PHEX: variants seen among roughly 807,000 people sequenced by gnomAD.
PHEX encodes phosphate-regulating neutral endopeptidase PHEX.
A neutral mutation model predicts 68.0 loss-of-function variants in PHEX; 16 were observed. The observed-to-expected ratio is 0.24, with a 90% CI of 0.16 to 0.36. PHEX has a LOEUF of 0.36. Ranked by LOEUF, PHEX falls within the 10% of genes least tolerant of loss-of-function variation. PHEX has a pLI of 1.00. For missense variants in PHEX, 480 were observed against 575.5 expected (o/e 0.83, Z 1.70); for synonymous variants, 208 against 205.1 (o/e 1.01, Z -0.12).
At chrX:22,126,621 T>C (rs1291277479) in intron 11 of PHEX, among the ~76,000 whole-genome samples, 3 of 111,190 alleles carry the variant, frequency 2.7e-5, no homozygotes, top group Non-Finnish European at 5.7e-5. Context: ...TTTGCTAAGA[T>C]AGGAGCATCT....
rs1234810037 is a variant in PHEX, at chrX:22,209,948, A to AT, written c.1646-2956_1646-2955insT. 9.1e-3 allele frequency among the ~76,000 whole-genome samples: 981 copies of AT among 107,617 alleles called. 10 individuals carry two copies. Among genetic ancestry groups the AT allele is most frequent in the African/African-American group, 0.032 (930 of 28,667 alleles). 93.5% of individuals were successfully genotyped at this position (107,617 alleles called of 115,157 possible). A position where few individuals can be genotyped will look rare whatever the true frequency, so the allele number is the denominator to read the frequency against. Reference sequence around the variant, plus strand: ...AGGTGGTGTTGAAATGGTAAAAAAAAAAAAAAATAAATAAATAAAAATAAA... The same window carrying AT: ...AGGTGGTGTTGAAATGGTAAAAAAAATAAAAAAATAAATAAATAAAAATAAA... On this transcript the variant is annotated intron_variant, in intron 15 of 21. Transcript: ENST00000379374.
At chrX:22,061,175 C>T (rs372000959) in intron 3 of PHEX, among the ~76,000 whole-genome samples, 8 of 112,029 alleles carry the variant, frequency 7.1e-5, no homozygotes, top group East Asian at 2.8e-4. Flanking sequence ...AGATGTCCTG[C>T]GCCTTAGAGA....
intron 2 of PHEX, among the ~76,000 whole-genome samples, chrX:22,046,112 C>T (rs1329409834): frequency 1.8e-5 from 2 of 111,365 alleles, no homozygotes; most frequent in Non-Finnish European, 1.9e-5. Context: ...GCTAGATGGG[C>T]GCCTGGACTG....
chrX:22,204,928 T>A lies in PHEX; in HGVS notation c.1646-7976T>A, dbSNP rs775759467. 2.1e-4 allele frequency among the ~76,000 whole-genome samples: 23 copies of A among 110,312 alleles called. No individual in the cohort carries two copies. In the East Asian group the frequency reaches 3.1e-3, roughly 15 times the overall value. ...ACACTTAAGGCTTTTGAAAAAAAAA[T>A]AACTGTCACAACTTGTACTGGAGCC... On this transcript the variant is annotated intron_variant, in intron 15 of 21. Coordinates refer to ENST00000379374, the MANE Select transcript of PHEX (RefSeq NM_000444.6).
chrX:22,187,742 G>C (rs1323670188), intron 14 of PHEX, among the ~76,000 whole-genome samples: 1 of 111,547 alleles, frequency 9.0e-6, no homozygotes, highest in Admixed American at 9.6e-5. Flanking sequence ...TTAAACACTA[G>C]GGCTTAATTG....
intron 20 of PHEX, among the ~76,000 whole-genome samples, chrX:22,229,656 A>T (rs1935641468): frequency 8.9e-6 from 1 of 111,760 alleles, no homozygotes; most frequent in Non-Finnish European, 1.9e-5. Context: ...TGTCAAATGG[A>T]TAGATTGCAA....
At chrX:22,217,454 A>G (rs983131714) in intron 16 of PHEX, among the ~76,000 whole-genome samples, 60 of 112,251 alleles carry the variant, frequency 5.3e-4, no homozygotes, top group African/African-American at 1.9e-3. Context: ...AGTTGAGACA[A>G]ACAGTTAGCA....
chrX:22,109,146 G>C (rs1486497781), intron 9 of PHEX, among the ~76,000 whole-genome samples: 1 of 111,484 alleles, frequency 9.0e-6, no homozygotes, highest in African/African-American at 3.3e-5. Context: ...TCCCAGGCTG[G>C]TATGCCATGT....
intron 3 of PHEX, among the ~76,000 whole-genome samples, chrX:22,061,805 G>A (rs758804423): frequency 1.8e-5 from 2 of 111,594 alleles, no homozygotes; most frequent in East Asian, 2.8e-4. Flanking sequence ...CCTGTTTTAC[G>A]ATTGGGCAAA....
chrX:22,078,953 G>A (rs934238635), intron 5 of PHEX, among the ~76,000 whole-genome samples: 3 of 112,056 alleles, frequency 2.7e-5, no homozygotes, highest in Non-Finnish European at 5.6e-5. Flanking sequence ...ATGCTATCAG[G>A]ATAAGATGTG....
intron 3 of PHEX, among the ~76,000 whole-genome samples, chrX:22,049,212 G>A (rs1927694758): frequency 9.0e-6 from 1 of 110,896 alleles, no homozygotes; most frequent in Non-Finnish European, 1.9e-5. Flanking sequence ...GGGTTCAAAC[G>A]AGCGATTCTC....
At chrX:22,227,166 A>G (rs1201984742) in intron 19 of PHEX, among the ~76,000 whole-genome samples, 1 of 112,582 alleles carries the variant, frequency 8.9e-6, no homozygotes, top group African/African-American at 3.2e-5. Flanking sequence ...AAAAAAGGTA[A>G]TATGCGGACC....
chrX:22,149,151 A>G (rs1932787786), intron 12 of PHEX, among the ~76,000 whole-genome samples: 1 of 112,064 alleles, frequency 8.9e-6, no homozygotes, highest in Non-Finnish European at 1.9e-5. Flanking sequence ...TGGAAAGGTG[A>G]TGCTCCACTC....
intron 3 of PHEX, among the ~76,000 whole-genome samples, chrX:22,050,573 G>GAAAA: frequency 2.0e-5 from 1 of 49,615 alleles, no homozygotes; most frequent in Admixed American, 2.5e-4. Flanking sequence ...TTCATCTCAG[G>GAAAA]AAAAAAAAAA....
At chrX:22,224,947 A>AATTATCATACAGCGCTGTATGATGT (rs1935402027) in intron 18 of PHEX, among the ~76,000 whole-genome samples, 3 of 23,252 alleles carry the variant, frequency 1.3e-4, no homozygotes, top group African/African-American at 1.7e-4. Context: ...AAATAACATA[A>AATTATCATACAGCGCTGTATGATGT]ATTATCATAC....
intron 15 of PHEX, among the ~76,000 whole-genome samples, chrX:22,201,494 C>T (rs1358466795): frequency 9.0e-6 from 1 of 110,773 alleles, no homozygotes; most frequent in African/African-American, 3.3e-5. Context: ...CCTGCTACAC[C>T]GATTTTAAGG....
chrX:22,091,833 C>T (rs919063903), intron 6 of PHEX, among the ~76,000 whole-genome samples: 1 of 111,934 alleles, frequency 8.9e-6, no homozygotes, highest in East Asian at 2.8e-4. Context: ...GCCTCACAAT[C>T]GTGGCAGAAG....
At chrX:22,229,049 A>T (rs1462687117) in intron 20 of PHEX, among the ~76,000 whole-genome samples, 3 of 111,811 alleles carry the variant, frequency 2.7e-5, no homozygotes, top group Non-Finnish European at 5.6e-5. Context: ...TGTCCCTGCA[A>T]AGAACATGAG....
chrX:22,243,935 T>C (rs754561551), intron 20 of PHEX, among the ~76,000 whole-genome samples: 1 of 112,229 alleles, frequency 8.9e-6, no homozygotes, highest in East Asian at 2.8e-4. Context: ...TTACTGGGTA[T>C]ATACCGAAAT....
Sources: gnomAD v4.1 joint callset for allele counts (sites outside exome capture counted in the v4.1 genomes callset) on GRCh38, gnomAD v4.1.1 for gene constraint, MANE v1.5 for transcripts, NCBI Gene and HGNC (gene_info 2026-07-23, HGNC 2026-07-21) for gene names.